Variants in SLC24A2 observed in about 807,000 individuals in gnomAD.
SLC24A2 encodes the protein sodium/potassium/calcium exchanger 2.
A neutral mutation model predicts 62.0 loss-of-function variants in SLC24A2; 36 were observed. The ratio of observed to expected loss-of-function variants is 0.58; its 90% CI spans 0.44 to 0.77. The LOEUF (loss-of-function observed/expected upper bound fraction) is 0.77. Ranked by LOEUF, SLC24A2 falls within the 30% of genes least tolerant of loss-of-function variation. The probability of loss-of-function intolerance (pLI) is 0.00; values close to 1 mark genes in which losing one functional copy is unlikely to be tolerated. For missense variants in SLC24A2, 846 were observed against 817.9 expected, an observed-to-expected ratio of 1.03 and a Z score of -0.42; for synonymous variants, 358 against 294.0, an observed-to-expected ratio of 1.22 and a Z score of -2.23.
chr9:19,580,153 G>A (rs1836159675), intron 5 of SLC24A2, among the ~76,000 whole-genome samples: 1 of 152,224 alleles, frequency 6.6e-6, no homozygotes, highest in Non-Finnish European at 1.5e-5. Flanking sequence ...AAGGCTGCTT[G>A]GGAGCTGTCT....
At chr9:20,204,559 T>C in the SLC24A2 span, among the ~76,000 whole-genome samples, 4 of 152,234 alleles carry the variant, frequency 2.6e-5, no homozygotes, top group Middle Eastern at 6.8e-3. Context: ...GCTGATGTCG[T>C]ACTGGTGTTG....
intron 8 of SLC24A2, among the ~76,000 whole-genome samples, chr9:19,544,276 T>G (rs931990726): frequency 2.7e-5 from 4 of 149,534 alleles, no homozygotes; most frequent in African/African-American, 1.0e-4. Flanking sequence ...TTTCTTTCTA[T>G]TTGCTTGGTA....
the SLC24A2 span, among the ~76,000 whole-genome samples, chr9:20,240,974 C>T: frequency 6.6e-6 from 1 of 152,324 alleles, no homozygotes; most frequent in African/African-American, 2.4e-5. Flanking sequence ...GGAGTCTTAA[C>T]TTCATAAGAA....
At chr9:19,649,851 T>A (rs1818748663) in intron 2 of SLC24A2, among the ~76,000 whole-genome samples, 1 of 152,216 alleles carries the variant, frequency 6.6e-6, no homozygotes, top group Non-Finnish European at 1.5e-5. Flanking sequence ...ATAGGAGCTA[T>A]CCCTCCAAAT....
At chr9:19,772,509 C>T (rs1822720086) in intron 2 of SLC24A2, among the ~76,000 whole-genome samples, 1 of 152,122 alleles carries the variant, frequency 6.6e-6, no homozygotes, top group African/African-American at 2.4e-5. Flanking sequence ...AGATAAGGAA[C>T]TCTGAAACTC....
intron 2 of SLC24A2, among the ~76,000 whole-genome samples, chr9:19,758,279 G>A (rs926436913): frequency 9.9e-5 from 15 of 152,124 alleles, no homozygotes; most frequent in African/African-American, 3.1e-4. Context: ...CCTACCAATA[G>A]ACATGGAGTC....
chr9:20,033,047 G>A, the SLC24A2 span, among the ~76,000 whole-genome samples: 3 of 152,126 alleles, frequency 2.0e-5, no homozygotes, highest in East Asian at 1.9e-4. Context: ...GAGTTCATGC[G>A]TCCCCTGAAG....
the SLC24A2 span, among the ~76,000 whole-genome samples, chr9:19,847,882 C>T: frequency 1.3e-5 from 2 of 152,144 alleles, no homozygotes; most frequent in Admixed American, 6.5e-5. Context: ...TTCATGGGAC[C>T]CACAGTCATT....
At chr9:20,253,820 G>A in the SLC24A2 span, among the ~76,000 whole-genome samples, 81 of 152,106 alleles carry the variant, frequency 5.3e-4, no homozygotes, top group Admixed American at 4.6e-4. Flanking sequence ...GAGCATCCTT[G>A]GTTCTCTTTC....
chr9:19,561,092 A>C (rs1563965759), intron 7 of SLC24A2, among the ~76,000 whole-genome samples: 17 of 147,932 alleles, frequency 1.1e-4, no homozygotes. Flanking sequence ...CACCTGGCTA[A>C]TTTTTTTTTG....
chr9:19,892,457 C>T, the SLC24A2 span, among the ~76,000 whole-genome samples: 1 of 152,268 alleles, frequency 6.6e-6, no homozygotes, highest in South Asian at 2.1e-4. Context: ...ATTCTTAGTG[C>T]CTAGAGCAAA....
At chr9:20,097,814 C>G in the SLC24A2 span, among the ~76,000 whole-genome samples, 2 of 135,882 alleles carry the variant, frequency 1.5e-5, no homozygotes, top group African/African-American at 5.4e-5. Flanking sequence ...GCGATCTCGA[C>G]TCACTGCAAG....
chr9:20,236,099 T>C, the SLC24A2 span, among the ~76,000 whole-genome samples: 1 of 152,176 alleles, frequency 6.6e-6, no homozygotes, highest in African/African-American at 2.4e-5. Context: ...GCAAATGAGA[T>C]AGGCGGTGAA....
At chr9:19,625,962 C>T (rs2117944681) in intron 2 of SLC24A2, among the ~76,000 whole-genome samples, 1 of 152,128 alleles carries the variant, frequency 6.6e-6, no homozygotes, top group South Asian at 2.1e-4. Context: ...GCTGGGATTA[C>T]AAGTGTGAGC....
At chr9:19,556,512 G>T (rs907547958) in intron 7 of SLC24A2, among the ~76,000 whole-genome samples, 1 of 152,164 alleles carries the variant, frequency 6.6e-6, no homozygotes, top group Non-Finnish European at 1.5e-5. Flanking sequence ...TTCAAGTTCA[G>T]TTTTATTGAC....
chr9:20,008,320 G>T, the SLC24A2 span, among the ~76,000 whole-genome samples: 2 of 152,022 alleles, frequency 1.3e-5, no homozygotes, highest in Non-Finnish European at 2.9e-5. Flanking sequence ...GAGGTGTCTC[G>T]CTGGCTGTCT....
At chr9:20,069,294 G>C in the SLC24A2 span, among the ~76,000 whole-genome samples, 1 of 152,006 alleles carries the variant, frequency 6.6e-6, no homozygotes. Flanking sequence ...GTAAATTTTC[G>C]CCTCCTATAT....
chr9:19,669,299 G>T (rs62564197), intron 2 of SLC24A2, among the ~76,000 whole-genome samples: 2 of 152,058 alleles, frequency 1.3e-5, no homozygotes, highest in East Asian at 3.9e-4. Flanking sequence ...GGTTGGGTGG[G>T]GAGTGGTGGT....
intron 2 of SLC24A2, among the ~76,000 whole-genome samples, chr9:19,694,369 G>T (rs1820126186): frequency 7.0e-6 from 1 of 141,942 alleles, no homozygotes; most frequent in Non-Finnish European, 1.5e-5. Context: ...ACTAATGGAA[G>T]ATTTCCTCTC....
Sources: gnomAD v4.1 joint callset for allele counts (sites outside exome capture counted in the v4.1 genomes callset) on GRCh38, gnomAD v4.1.1 for gene constraint, MANE v1.5 for transcripts, NCBI Gene and HGNC (gene_info 2026-07-23, HGNC 2026-07-21) for gene names.